The following CDH13 variants were observed in gnomAD, a reference collection of about 807,000 sequenced individuals.
CDH13 encodes the protein cadherin 13.
Under a neutral mutation model 63.8 loss-of-function variants are expected in CDH13, and 24 were observed. That is an observed-to-expected ratio of 0.38 (90% confidence interval 0.27 to 0.53). CDH13 has a LOEUF of 0.53. Ranked by LOEUF, CDH13 falls within the 20% of genes least tolerant of loss-of-function variation. The pLI is 0.85. For synonymous variants in CDH13, 503 were observed against 355.3 expected (o/e 1.42, Z -4.67); for missense variants, 1,049 against 903.1 (o/e 1.16, Z -2.07).
intron 2 of CDH13, among the ~76,000 whole-genome samples, chr16:82,931,304 A>G (rs1259060994): frequency 6.6e-6 from 1 of 152,210 alleles, no homozygotes; most frequent in Non-Finnish European, 1.5e-5. Context: ...TCTGATAACA[A>G]ACAAACAAAA....
chr16:82,835,210 C>T (rs1403870455), intron 1 of CDH13, among the ~76,000 whole-genome samples: 1 of 152,190 alleles, frequency 6.6e-6, no homozygotes, highest in African/African-American at 2.4e-5. Context: ...CTTAACAGCA[C>T]CTCTTAATTT....
At chr16:83,713,572 C>T (rs1229314832) in intron 10 of CDH13, among the ~76,000 whole-genome samples, 1 of 151,934 alleles carries the variant, frequency 6.6e-6, no homozygotes, top group African/African-American at 2.4e-5. Context: ...TTAACTTTAC[C>T]TCTCACAAAT....
chr16:83,310,995 G>A (rs937086042), intron 5 of CDH13, among the ~76,000 whole-genome samples: 4 of 152,142 alleles, frequency 2.6e-5, no homozygotes, highest in Non-Finnish European at 5.9e-5. Flanking sequence ...CCCACATAAA[G>A]GTTATCCTCT....
chr16:83,518,824 G>A lies in CDH13; in HGVS notation c.960+32169G>A, dbSNP rs553528604. Among the ~76,000 whole-genome samples the A allele has an allele frequency of 2.0e-5, 3 of 152,200 alleles. No individual in the cohort carries two copies. The South Asian group carries it at 6.2e-4, about 32-fold the overall frequency. Reference sequence around the variant, plus strand: ...CCTGTTTTGCTCAGCACTTCTTGCTGCTGCCATGTGAAGAAGGATGTGTTG... The same window carrying A: ...CCTGTTTTGCTCAGCACTTCTTGCTACTGCCATGTGAAGAAGGATGTGTTG... On this transcript the variant is annotated intron_variant, in intron 7 of 13. Coordinates refer to ENST00000567109, the MANE Select transcript of CDH13 (RefSeq NM_001257.5).
chr16:83,133,798 C>T (rs953767720), intron 4 of CDH13, among the ~76,000 whole-genome samples: 2 of 152,154 alleles, frequency 1.3e-5, no homozygotes, highest in East Asian at 1.9e-4. Flanking sequence ...TGAGCCCGGC[C>T]CATGGAATTT....
At chr16:83,443,723 AAAAAAAAAAAAAATATAT>A (rs1453343814) in intron 6 of CDH13, among the ~76,000 whole-genome samples, 5 of 79,124 alleles carry the variant, frequency 6.3e-5, no homozygotes, top group African/African-American at 3.5e-4. Flanking sequence ...AAAAAAAAAA[AAAAAAAAAAAAAATATAT>A]ATATATATAT....
At chr16:82,805,567 C>T (rs1305657749) in intron 1 of CDH13, among the ~76,000 whole-genome samples, 1 of 152,094 alleles carries the variant, frequency 6.6e-6, no homozygotes, top group African/African-American at 2.4e-5. Context: ...TTGAGGACTG[C>T]AATGAGAGAT....
At chr16:83,517,141 A>G (rs900794395) in intron 7 of CDH13, among the ~76,000 whole-genome samples, 3 of 152,234 alleles carry the variant, frequency 2.0e-5, no homozygotes, top group African/African-American at 4.8e-5. Context: ...GTTCTAGCAT[A>G]AAAGGAAGCT....
intron 2 of CDH13, among the ~76,000 whole-genome samples, chr16:83,009,782 G>A (rs915878621): frequency 6.6e-6 from 1 of 152,134 alleles, no homozygotes; most frequent in East Asian, 1.9e-4. Context: ...ATCAAGTGTT[G>A]TCACACTTGA....
intron 5 of CDH13, among the ~76,000 whole-genome samples, chr16:83,269,987 T>C (rs1240737526): frequency 6.6e-6 from 1 of 152,234 alleles, no homozygotes; most frequent in Non-Finnish European, 1.5e-5. Flanking sequence ...TGTAAGAAAA[T>C]AATGTACTAC....
rs368933622 is a variant in CDH13, at chr16:83,708,750, C to T, written c.1538+30289C>T. ...CTTATAAGAAGGAGGCAGGGCCAAGCGCGGTGGCTCATGCCTGTAATTCCA... is the reference window on the plus strand; with the variant it reads ...CTTATAAGAAGGAGGCAGGGCCAAGTGCGGTGGCTCATGCCTGTAATTCCA... On this transcript the variant is annotated intron_variant, in intron 10 of 13. Transcript: ENST00000567109. Among the ~76,000 whole-genome samples, 14 of 152,296 alleles carry T rather than the reference C, an allele frequency of 9.2e-5. No homozygotes were observed. The East Asian group carries it at 9.7e-4, about 11-fold the overall frequency.
chr16:82,983,144 C>G (rs1428195431), intron 2 of CDH13, among the ~76,000 whole-genome samples: 1 of 152,192 alleles, frequency 6.6e-6, no homozygotes, highest in African/African-American at 2.4e-5. Flanking sequence ...TTCTGGGAAT[C>G]TTCAAACTCA....
chr16:82,927,144 C>G (rs750437386), intron 2 of CDH13, among the ~76,000 whole-genome samples: 2 of 152,086 alleles, frequency 1.3e-5, no homozygotes, highest in African/African-American at 2.4e-5. Context: ...TGGGCTTCCT[C>G]ACAGGATGGT....
intron 11 of CDH13, among the ~76,000 whole-genome samples, chr16:83,761,537 G>A (rs1235272565): frequency 6.6e-6 from 1 of 152,154 alleles, no homozygotes; most frequent in Non-Finnish European, 1.5e-5. Context: ...ATGGAAATGA[G>A]GCACAAAAGC....
chr16:82,914,028 G>A (rs919374233), intron 2 of CDH13, among the ~76,000 whole-genome samples: 1 of 151,772 alleles, frequency 6.6e-6, no homozygotes, highest in Non-Finnish European at 1.5e-5. Flanking sequence ...GTATTGCTGT[G>A]TGGTAAGAGC....
intron 5 of CDH13, among the ~76,000 whole-genome samples, chr16:83,269,200 A>C (rs957569825): frequency 6.6e-6 from 1 of 152,206 alleles, no homozygotes; most frequent in Non-Finnish European, 1.5e-5. Context: ...GTCATAACCT[A>C]ACATAGTTTG....
At chr16:83,012,807 A>G (rs1360528776) in intron 2 of CDH13, among the ~76,000 whole-genome samples, 1 of 152,202 alleles carries the variant, frequency 6.6e-6, no homozygotes, top group South Asian at 2.1e-4. Context: ...AAGACTACAG[A>G]TAATGGATTT....
intron 2 of CDH13, among the ~76,000 whole-genome samples, chr16:82,877,592 T>G (rs2151198131): frequency 6.6e-6 from 1 of 152,250 alleles, no homozygotes; most frequent in East Asian, 1.9e-4. Context: ...GGGAAACATA[T>G]TTTGAAGTTA....
At chr16:83,147,236 G>C (rs2151687588) in intron 4 of CDH13, among the ~76,000 whole-genome samples, 1 of 152,312 alleles carries the variant, frequency 6.6e-6, no homozygotes, top group South Asian at 2.1e-4. Context: ...TGTTAAAGTT[G>C]AATTGTTCCG....
Sources: gnomAD v4.1 joint callset for allele counts (sites outside exome capture counted in the v4.1 genomes callset) on GRCh38, gnomAD v4.1.1 for gene constraint, MANE v1.5 for transcripts, NCBI Gene and HGNC (gene_info 2026-07-23, HGNC 2026-07-21) for gene names.